PRDM10: variants seen among roughly 807,000 people sequenced by gnomAD.
The protein encoded by PRDM10 is PR/SET domain 10.
Under a neutral mutation model 133.1 loss-of-function variants are expected in PRDM10, and 65 were observed. That is an observed-to-expected ratio of 0.49 (90% CI 0.40 to 0.60). The LOEUF (loss-of-function observed/expected upper bound fraction) is 0.60. PRDM10 is among the 20% of genes least tolerant of loss of function. The pLI is 0.00. For missense variants in PRDM10, 1,137 were observed against 1,507.1 expected (o/e 0.75, Z 4.07); for synonymous variants, 582 against 580.4 (o/e 1.00, Z -0.04).
chr11:129,948,391 T>G (rs1021834995), intron 4 of PRDM10, among the ~76,000 whole-genome samples: 3 of 152,170 alleles, frequency 2.0e-5, no homozygotes, highest in Admixed American at 2.0e-4. Flanking sequence ...AAATACTCTT[T>G]CCTCAGCCAC....
chr11:129,998,935 A>T (rs773612428), intron 1 of PRDM10, among the ~76,000 whole-genome samples: 22 of 147,920 alleles, frequency 1.5e-4, no homozygotes, highest in Non-Finnish European at 3.0e-4. Flanking sequence ...TGATTCTCCC[A>T]CCTCATCCTC....
rs1053584875 is a variant in PRDM10 at position 129,923,822 on chromosome 11, T to C, written c.1879-419A>G. 2.6e-5 allele frequency among the ~76,000 whole-genome samples: 4 copies of C among 152,256 alleles called. No homozygotes were observed. The highest frequency in any genetic ancestry group is 9.6e-5 in the African/African-American group (4 of 41,472). On this transcript the variant is annotated intron_variant, in intron 12 of 20. Coordinates refer to ENST00000360871, the MANE Select transcript of PRDM10 (RefSeq NM_199437.2). This position sits in a 1 kb window ranked among gnomAD's most constrained non-coding sequence, Gnocchi z 4.4. ...AGGAAGACAAAAACCAATTCTTCCT[T>C]ACTTTTCTCCGTCTTTAATCTGCAC... is the stretch of plus-strand genomic sequence containing the variant.
rs561463185 is a variant in PRDM10, at chr11:129,912,739, G to A, written c.2842-514C>T. ...TGCACTCCAGCCTGGGCGACAGAGCGAGACTCCATCTCGAAAAAAAAAAAA... is the reference window on the plus strand; with the variant it reads ...TGCACTCCAGCCTGGGCGACAGAGCAAGACTCCATCTCGAAAAAAAAAAAA... On this transcript the variant is annotated intron_variant, in intron 17 of 20. Coordinates refer to ENST00000360871, the MANE Select transcript of PRDM10 (RefSeq NM_199437.2). Among the ~76,000 whole-genome samples the A allele has an allele frequency of 1.4e-3, 198 of 139,132 alleles. 1 individual carries two copies. Among genetic ancestry groups the A allele is most frequent in the South Asian group, 2.6e-3 (11 of 4,298 alleles). The allele number at this position is 139,132 out of a possible 152,430, so 91.3% of individuals were successfully genotyped here. A position where few individuals can be genotyped will look rare whatever the true frequency, so the allele number is the denominator to read the frequency against.
rs1565464200 is a variant in PRDM10 at position 129,923,687 on chromosome 11, A to AGAGAGAGAGG, written c.1879-285_1879-284insCCTCTCTCTC. Reference sequence around the variant, plus strand: ...GAGAGAGAGAGAGAGAGAGAGAGAGAGAGAGAGTGCTTGCTTGGTCAAAGC... The same window carrying AGAGAGAGAGG: ...GAGAGAGAGAGAGAGAGAGAGAGAGAGAGAGAGAGGGAGAGAGTGCTTGCTTGGTCAAAGC... On this transcript the variant is annotated intron_variant, in intron 12 of 20. Transcript: ENST00000360871. The surrounding 1 kb of genome is among the most constrained non-coding windows in gnomAD (Gnocchi z 4.4). 2.1e-5 allele frequency among the ~76,000 whole-genome samples: 3 copies of AGAGAGAGAGG among 145,198 alleles called. No individual in the cohort carries two copies. The highest frequency in any genetic ancestry group is 8.0e-5 in the African/African-American group (3 of 37,724).
chr11:130,002,053 TG>T (rs983889333), intron 1 of PRDM10, among the ~76,000 whole-genome samples: 97 of 151,308 alleles, frequency 6.4e-4, no homozygotes, highest in Non-Finnish European at 1.1e-3. Flanking sequence ...CAGACAAAGC[TG>T]GGCGCCCCAT....
intron 1 of PRDM10, among the ~76,000 whole-genome samples, chr11:129,961,425 C>T (rs1951793237): frequency 6.6e-6 from 1 of 152,116 alleles, no homozygotes; most frequent in Non-Finnish European, 1.5e-5. Flanking sequence ...CTGCCTCAGC[C>T]TCCTGAGTAG....
intron 1 of PRDM10, among the ~76,000 whole-genome samples, chr11:129,983,358 G>A (rs879302836): frequency 1.3e-4 from 20 of 149,688 alleles, no homozygotes; most frequent in Admixed American, 3.3e-4. Context: ...GCAGTGGCGC[G>A]ATCTCAGCTC....
At chr11:129,981,856 A>G (rs1938130711) in intron 1 of PRDM10, among the ~76,000 whole-genome samples, 1 of 152,080 alleles carries the variant, frequency 6.6e-6, no homozygotes, top group Admixed American at 6.6e-5. Flanking sequence ...AGATCGCATT[A>G]CTGCACTCTA....
Position 129,914,891 on chromosome 11 carries a change from G to A in PRDM10, c.2654C>T (p.Thr885Ile). The change falls in exon 17 of 21, where the codon ACT (threonine) becomes ATT (isoleucine). Residue 885 changes from threonine (T) to isoleucine (I), a missense_variant. Thr to Ile is a moderately conservative substitution (Grantham distance 89). Around this residue, in one of 6 missense-constraint regions of PRDM10, gnomAD observed 113 missense variants for 143.7 expected, o/e 0.79. Transcript: ENST00000360871. ...GTCCGTCGTCACCACAGTCTCTCCA[G>A]TGGCGCTGTCTGTAGTCAAAACCGC... ...TPAVLTTDSATGETVVTTDLL... is the reference protein window; with the variant it reads ...TPAVLTTDSAIGETVVTTDLL... 1 of 1,614,182 alleles carries A rather than the reference G, an allele frequency of 6.2e-7. No individual in the cohort carries two copies. The highest frequency in any genetic ancestry group is 8.5e-7 in the Non-Finnish European group (1 of 1,180,022).
intron 1 of PRDM10, among the ~76,000 whole-genome samples, chr11:129,999,502 G>A (rs1369325164): frequency 6.6e-6 from 1 of 152,198 alleles, no homozygotes; most frequent in Non-Finnish European, 1.5e-5. Context: ...GGGATGTGAT[G>A]GGAGAAGACT....
In PRDM10 at chr11:129,912,148, G is replaced by A. The variant is rs766407449; in HGVS notation, c.2919C>T (p.His973=). The change falls in exon 18 of 21, where the codon CAC becomes CAT. Residue 973 remains histidine, a synonymous_variant. Coordinates refer to ENST00000360871, the MANE Select transcript of PRDM10 (RefSeq NM_199437.2). ...CCTGGATGTGCTGCACCTGGATGGC[G>A]TGCTGGGGGTAGGGCTGAGGATCAT... is the stretch of plus-strand genomic sequence containing the variant. ...QLHDPQPYPQ[H]AIQVQHIQVS... 13 of 1,612,788 alleles carry A rather than the reference G, an allele frequency of 8.1e-6. No individual in the cohort carries two copies. Among genetic ancestry groups the A allele is most frequent in the East Asian group, 2.2e-5 (1 of 44,768 alleles).
At chr11:129,985,809 A>AAT (rs1555114095) in intron 1 of PRDM10, among the ~76,000 whole-genome samples, 2,151 of 60,874 alleles carry the variant, frequency 0.035, 85 homozygotes, top group Middle Eastern at 0.11. Context: ...AAAAAAAAAA[A>AAT]ATATATATAT....
At chr11:129,983,674 G>C (rs1288407936) in intron 1 of PRDM10, among the ~76,000 whole-genome samples, 1 of 152,164 alleles carries the variant, frequency 6.6e-6, no homozygotes, top group Non-Finnish European at 1.5e-5. Flanking sequence ...TCCAGAGTTA[G>C]CTTAGTGTAT....
At position 129,947,625 on chromosome 11, in the gene PRDM10, TA is replaced by T; in HGVS notation, c.295-256del. 7.9e-7 allele frequency: 1 copy of T among 1,271,340 alleles called. No homozygotes were observed. Among genetic ancestry groups the T allele is most frequent in the Non-Finnish European group, 1.0e-6 (1 of 960,286 alleles). The allele number at this position is 1,271,340 out of a possible 1,614,324, so 78.8% of individuals were successfully genotyped here. Reference sequence around the variant, plus strand: ...TCTGTCCCACACCTGGGAGGGCTGCTAAGAAGGCTCAGGTGCTCCCTCCTTT... The same window carrying T: ...TCTGTCCCACACCTGGGAGGGCTGCTAGAAGGCTCAGGTGCTCCCTCCTTT... On this transcript the variant is annotated intron_variant, in intron 4 of 20. Coordinates refer to ENST00000360871, the MANE Select transcript of PRDM10 (RefSeq NM_199437.2). This position sits in a 1 kb window ranked among gnomAD's most constrained non-coding sequence, Gnocchi z 4.6.
At chr11:129,957,662 A>G in intron 3 of PRDM10, 84 bp downstream of exon 3, 1 of 1,503,590 alleles carries the variant, frequency 6.7e-7, no homozygotes. Context: ...ACCAGTACCT[A>G]GCACAATGAC....
chr11:129,938,582 C>A (rs1045265317), intron 7 of PRDM10, among the ~76,000 whole-genome samples: 1 of 152,210 alleles, frequency 6.6e-6, no homozygotes, highest in African/African-American at 2.4e-5. Context: ...GGCCTTCTGA[C>A]TGGCCTCTCC....
rs990913380 is a variant in PRDM10, at chr11:129,900,350, G to A, written c.*1963C>T. 1 of 145,386 alleles carries A rather than the reference G, an allele frequency of 6.9e-6. No homozygotes were observed. The highest frequency in any genetic ancestry group is 1.5e-5 in the Non-Finnish European group (1 of 65,076). 9.0% of individuals were successfully genotyped at this position (145,386 alleles called of 1,614,324 possible). On this transcript the variant is annotated 3_prime_UTR_variant, in exon 21 of 21. Transcript: ENST00000360871. ...TTTATTTCACTTAAGGACCAAAGAA[G>A]AAGAAGAAGAAGAAGAAGAAGAAGA...
intron 1 of PRDM10, among the ~76,000 whole-genome samples, chr11:129,961,518 C>G (rs1374420722): frequency 6.6e-6 from 1 of 151,848 alleles, no homozygotes; most frequent in Non-Finnish European, 1.5e-5. Flanking sequence ...GTTGGCCAGG[C>G]TGGTCTCAAA....
rs544635708 is a variant in PRDM10 at position 129,971,183 on chromosome 11, G to A, written c.-118-10101C>T. Among the ~76,000 whole-genome samples, 11 of 152,258 alleles carry A rather than the reference G, an allele frequency of 7.2e-5. No individual in the cohort carries two copies. In the East Asian group the frequency reaches 2.1e-3, roughly 29 times the overall value. On this transcript the variant is annotated intron_variant, in intron 1 of 20. Transcript: ENST00000360871. ...AGCTCTTAAAAGCAGTGTGAACCCA[G>A]AAAGAGCAGTAGCAAAATATATTGC...
Sources: allele counts gnomAD v4.1 joint callset (sites outside exome capture counted in the v4.1 genomes callset), GRCh38; gene constraint gnomAD v4.1.1; regional missense constraint gnomAD v4.1.1; non-coding constraint Gnocchi (gnomAD v3.1); transcripts MANE v1.5; gene names NCBI Gene and HGNC (gene_info 2026-07-23, HGNC 2026-07-21).